Variants in PDCD4 observed in about 807,000 individuals in gnomAD.
PDCD4 encodes the protein programmed cell death 4.
PDCD4 carries 56 observed loss-of-function variants against 54.0 expected under a neutral mutation model. The ratio of observed to expected loss-of-function variants is 1.04; its 90% CI spans 0.84 to 1.30. The LOEUF (loss-of-function observed/expected upper bound fraction) is 1.30. PDCD4 is among the 50% of genes most tolerant of loss of function. The pLI, the probability that PDCD4 is intolerant of heterozygous loss-of-function variation, is 0.00. For synonymous variants in PDCD4, 186 were observed against 194.8 expected (o/e 0.95, Z 0.37); for missense variants, 584 against 559.8 (o/e 1.04, Z -0.44).
At position 110,883,111 on chromosome 10, in the gene PDCD4, G is replaced by T; in HGVS notation, c.441+14G>T. On this transcript the variant is annotated intron_variant, in intron 4 of 11. Coordinates refer to ENST00000280154, the MANE Select transcript of PDCD4 (RefSeq NM_014456.5). ...GATGATGACCAGGTATCAGTGCTTT[G>T]CTTTTTCATAATATTTAAAATGTTT... is the stretch of plus-strand genomic sequence containing the variant. 1.3e-6 allele frequency: 2 copies of T among 1,493,306 alleles called. No individual in the cohort carries two copies. Among genetic ancestry groups the T allele is most frequent in the Non-Finnish European group, 1.8e-6 (2 of 1,095,304 alleles). The allele number at this position is 1,493,306 out of a possible 1,614,324, so 92.5% of individuals were successfully genotyped here.
At chr10:110,890,494 C>A in intron 7 of PDCD4, 62 bp from the exon 8 acceptor site, 1 of 852,012 alleles carries the variant, frequency 1.2e-6, no homozygotes, top group South Asian at 2.0e-5. Context: ...AGCTTTATCC[C>A]TAATTTAGTA....
chr10:110,879,540 C>G (rs1161480373), intron 2 of PDCD4, among the ~76,000 whole-genome samples: 1 of 151,772 alleles, frequency 6.6e-6, no homozygotes, highest in Non-Finnish European at 1.5e-5. Context: ...TGGCAGGCAT[C>G]TGTAGTCCCA....
intron 11 of PDCD4, among the ~76,000 whole-genome samples, chr10:110,897,203 C>CT (rs1762193194): frequency 1.3e-5 from 2 of 152,160 alleles, no homozygotes; most frequent in African/African-American, 4.8e-5. Context: ...GTTTGAAAGT[C>CT]TGATTGTTTC....
Position 110,883,053 on chromosome 10 carries a change from G to A in PDCD4, c.397G>A (p.Val133Met). ...VWGTPGQVYDVEEVDVKDPNY... is the reference protein window; with the variant it reads ...VWGTPGQVYDMEEVDVKDPNY... ...GGGTACACCTGGACAGGTGTATGAT[G>A]TGGAGGAGGTGGATGTGAAAGATCC... Residue 133 changes from valine to methionine, a missense_variant, in exon 4 of 12, where the codon GTG (valine) becomes ATG (methionine). Coordinates refer to ENST00000280154, the MANE Select transcript of PDCD4 (RefSeq NM_014456.5). 2.5e-6 allele frequency: 4 copies of A among 1,599,094 alleles called. No individual in the cohort carries two copies. The highest frequency in any genetic ancestry group is 3.4e-6 in the Non-Finnish European group (4 of 1,174,484).
chr10:110,896,066 T>C lies in PDCD4; in HGVS notation c.1328T>C (p.Leu443Pro). 6.2e-7 allele frequency: 1 copy of C among 1,609,386 alleles called. No homozygotes were observed. The highest frequency in any genetic ancestry group is 1.1e-5 in the South Asian group (1 of 90,538). ...CAGGCTGGAATAATTTCCAAACAAC[T>C]CAGAGATCTTTGTCCTTCAAGGTAC... Reference protein sequence around the residue: ...CFQAGIISKQLRDLCPSRGRK... With the variant: ...CFQAGIISKQPRDLCPSRGRK... Residue 443 changes from leucine (L) to proline (P), a missense_variant, in exon 11 of 12, where the codon CTC (leucine) becomes CCC (proline). Coordinates refer to ENST00000280154, the MANE Select transcript of PDCD4 (RefSeq NM_014456.5).
At position 110,890,655 on chromosome 10, in the gene PDCD4, T is replaced by C; in HGVS notation, c.975T>C (p.Asn325=). Reference sequence around the variant, plus strand: ...CTGGAGGTGGGCAGCAATCTGTCAATCACCTTGTTAAAGAGGTAATGATTG... The same window carrying C: ...CTGGAGGTGGGCAGCAATCTGTCAACCACCTTGTTAAAGAGGTAATGATTG... ...WGSGGGQQSV[N]HLVKEIDMLL... Residue 325 remains asparagine (N), a synonymous_variant, in exon 8 of 12, where the codon AAT becomes AAC. Transcript: ENST00000280154. The C allele has an allele frequency of 6.2e-7, 1 of 1,604,492 alleles. No homozygotes were observed. Among genetic ancestry groups the C allele is most frequent in the Non-Finnish European group, 8.5e-7 (1 of 1,171,686 alleles).
chr10:110,890,725 T>C lies in PDCD4; in HGVS notation c.990+55T>C, dbSNP rs959182355. 8.0e-6 allele frequency: 9 copies of C among 1,123,170 alleles called. No individual in the cohort carries two copies. In the Admixed American group the frequency reaches 1.9e-4, roughly 23 times the overall value. 69.6% of individuals were successfully genotyped at this position (1,123,170 alleles called of 1,614,324 possible). On this transcript the variant is annotated intron_variant, in intron 8 of 11. Transcript: ENST00000280154. ...TTTATATGTATTCCTCTGAGTGAAA[T>C]AAATTGTGGCTACTAGCTGGTATTT...
intron 1 of PDCD4, among the ~76,000 whole-genome samples, chr10:110,873,433 A>G (rs564017350): frequency 3.9e-5 from 6 of 152,242 alleles, no homozygotes; most frequent in Non-Finnish European, 7.3e-5. Context: ...TTCAGGAAAT[A>G]CATATGTATA....
chr10:110,872,930 A>G lies in PDCD4; in HGVS notation c.-63+912A>G, dbSNP rs570573274. 3.3e-5 allele frequency among the ~76,000 whole-genome samples: 5 copies of G among 152,330 alleles called. No homozygotes were observed. In the South Asian group the frequency reaches 1.0e-3, roughly 32 times the overall value. ...CCTTGTGAGAACTCGCTACGTAGCC[A>G]GCAACTGTGTAGTGTCTACAAATGA... On this transcript the variant is annotated intron_variant, in intron 1 of 11. Coordinates refer to ENST00000280154, the MANE Select transcript of PDCD4 (RefSeq NM_014456.5).
chr10:110,878,011 GGT>G (rs1845533229), intron 2 of PDCD4, among the ~76,000 whole-genome samples: 1 of 152,118 alleles, frequency 6.6e-6, no homozygotes, highest in African/African-American at 2.4e-5. Flanking sequence ...GTGATTTTCT[GGT>G]GCTGTGGTCA....
At chr10:110,883,474 ATCTT>A (rs1238526539) in intron 4 of PDCD4, among the ~76,000 whole-genome samples, 10 of 152,148 alleles carry the variant, frequency 6.6e-5, no homozygotes, top group East Asian at 1.9e-4. Context: ...GGACATGCGC[ATCTT>A]TCTTTTAGGG....
intron 2 of PDCD4, among the ~76,000 whole-genome samples, chr10:110,877,567 C>T (rs1405764405): frequency 6.6e-6 from 1 of 152,058 alleles, no homozygotes; most frequent in Non-Finnish European, 1.5e-5. Context: ...TCTTATATGG[C>T]TTGCATTCTA....
In PDCD4 at chr10:110,894,113, A is replaced by G; in HGVS notation, c.1013A>G (p.Tyr338Cys). ...VKEIDMLLKE[Y>C]LLSGDISEAE... is the part of the protein sequence containing the mutation. ...TAGATTGATATGCTGCTGAAAGAAT[A>G]TTTACTCTCTGGAGACATATCTGAA... The change falls in exon 9 of 12, where the codon TAT (tyrosine) becomes TGT (cysteine). Residue 338 changes from tyrosine to cysteine, a missense_variant. Transcript: ENST00000280154. 3 of 1,603,730 alleles carry G rather than the reference A, an allele frequency of 1.9e-6. No individual in the cohort carries two copies. The highest frequency in any genetic ancestry group is 2.6e-6 in the Non-Finnish European group (3 of 1,171,114).
At position 110,899,067 on chromosome 10, in the gene PDCD4, T is replaced by G. The variant is rs1845904476; in HGVS notation, c.*979T>G. On this transcript the variant is annotated 3_prime_UTR_variant, in exon 12 of 12. Transcript: ENST00000280154. ...TGGCTAATGTTACAAAAAGTTATACTCCAGAGACCCAAAGCTTGACATTTA... is the reference window on the plus strand; with the variant it reads ...TGGCTAATGTTACAAAAAGTTATACGCCAGAGACCCAAAGCTTGACATTTA... The G allele has an allele frequency of 2.0e-5, 3 of 152,138 alleles. No homozygotes were observed. In the South Asian group the frequency reaches 6.2e-4, roughly 32 times the overall value. 9.4% of individuals were successfully genotyped at this position (152,138 alleles called of 1,614,324 possible).
At chr10:110,886,456 A>T (rs1809528730) in intron 5 of PDCD4, among the ~76,000 whole-genome samples, 1 of 152,178 alleles carries the variant, frequency 6.6e-6, no homozygotes, top group Non-Finnish European at 1.5e-5. Flanking sequence ...GCGGTCAAGG[A>T]AGATGAAATG....
intron 1 of PDCD4, among the ~76,000 whole-genome samples, chr10:110,872,763 A>G (rs1845439996): frequency 6.6e-6 from 1 of 152,240 alleles, no homozygotes; most frequent in Non-Finnish European, 1.5e-5. Flanking sequence ...AAAATCTCCC[A>G]GAGAAAACAA....
At chr10:110,884,017 G>A (rs1845632195) in intron 4 of PDCD4, among the ~76,000 whole-genome samples, 3 of 152,294 alleles carry the variant, frequency 2.0e-5, no homozygotes, top group African/African-American at 7.2e-5. Context: ...CCTCTTATCC[G>A]TGGTTTCACT....
intron 6 of PDCD4, among the ~76,000 whole-genome samples, chr10:110,888,749 A>G (rs1207545045): frequency 6.6e-6 from 1 of 152,190 alleles, no homozygotes; most frequent in African/African-American, 2.4e-5. Flanking sequence ...CTGTGGCCAC[A>G]TAGTATACCA....
chr10:110,887,882 C>T lies in PDCD4; in HGVS notation c.773C>T (p.Pro258Leu), dbSNP rs1304423355. 1 of 1,588,860 alleles carries T rather than the reference C, an allele frequency of 6.3e-7. No individual in the cohort carries two copies. Among genetic ancestry groups the T allele is most frequent in the Admixed American group, 1.7e-5 (1 of 59,928 alleles). The change falls in exon 6 of 12, where the codon CCA (proline) becomes CTA (leucine). Residue 258 changes from proline (P) to leucine (L), a missense_variant. By Grantham distance (98) the Pro-to-Leu change is moderately conservative. Coordinates refer to ENST00000280154, the MANE Select transcript of PDCD4 (RefSeq NM_014456.5). ...TTAGCACTGGATACTCCTAGAGCACCACAGGTTTGTATGATTCTTCTTTTT... is the reference window on the plus strand; with the variant it reads ...TTAGCACTGGATACTCCTAGAGCACTACAGGTTTGTATGATTCTTCTTTTT... Reference protein sequence around the residue: ...PELALDTPRAPQLVGQFIARA... With the variant: ...PELALDTPRALQLVGQFIARA...
Sources: gnomAD v4.1 joint callset for allele counts (sites outside exome capture counted in the v4.1 genomes callset) on GRCh38, gnomAD v4.1.1 for gene constraint, MANE v1.5 for transcripts, NCBI Gene and HGNC (gene_info 2026-07-23, HGNC 2026-07-21) for gene names.